CAPN13: variants seen among roughly 807,000 people sequenced by gnomAD.
CAPN13 encodes calpain 13.
A neutral mutation model predicts 98.4 loss-of-function variants in CAPN13; 90 were observed. The observed-to-expected ratio is 0.92, with a 90% CI of 0.77 to 1.09. CAPN13 has a LOEUF of 1.09. Ranked by LOEUF, CAPN13 falls within the 50% of genes least tolerant of loss-of-function variation. CAPN13 has a pLI of 0.00. For synonymous variants in CAPN13, 330 were observed against 305.5 expected (o/e 1.08, Z -0.84); for missense variants, 887 against 841.3 (o/e 1.05, Z -0.67).
intron 22 of CAPN13, among the ~76,000 whole-genome samples, chr2:30,725,463 T>C (rs1035584210): frequency 3.3e-5 from 5 of 152,132 alleles, no homozygotes; most frequent in East Asian, 1.9e-4. Flanking sequence ...AACAAAAGTA[T>C]ACCTCAACTT....
chr2:30,757,448 G>C (rs993908924), intron 8 of CAPN13, among the ~76,000 whole-genome samples: 1 of 152,328 alleles, frequency 6.6e-6, no homozygotes, highest in South Asian at 2.1e-4. Context: ...GGCAGGCACA[G>C]CTTTTCATTT....
At chr2:30,780,727 A>G (rs1176479073) in intron 2 of CAPN13, among the ~76,000 whole-genome samples, 3 of 152,198 alleles carry the variant, frequency 2.0e-5, no homozygotes, top group Non-Finnish European at 4.4e-5. Flanking sequence ...CTGTCCTCTA[A>G]GCTGCTTGTT....
rs781382708 is a variant in CAPN13 at position 30,736,485 on chromosome 2, C to T, written c.1722+18G>A. 3 of 1,613,348 alleles carry T rather than the reference C, an allele frequency of 1.9e-6. No homozygotes were observed. Among genetic ancestry groups the T allele is most frequent in the East Asian group, 2.2e-5 (1 of 44,876 alleles). On this transcript the variant is annotated intron_variant, in intron 18 of 22. Transcript: ENST00000295055. ...CTGGACAGAATGAGAGTGCTAGTCACAGAGAATGTGCCCGTACCTGGTAGT... is the reference window on the plus strand; with the variant it reads ...CTGGACAGAATGAGAGTGCTAGTCATAGAGAATGTGCCCGTACCTGGTAGT...
At chr2:30,736,831 G>C (rs887496703) in intron 17 of CAPN13, among the ~76,000 whole-genome samples, 2 of 152,360 alleles carry the variant, frequency 1.3e-5, no homozygotes, top group African/African-American at 2.4e-5. Context: ...TGAGGGAAGA[G>C]AGGGGTCTAG....
At position 30,722,776 on chromosome 2, in the gene CAPN13, G is replaced by C. The variant is rs1670737806; in HGVS notation, c.*491C>G. The C allele has an allele frequency of 6.6e-6, 1 of 152,156 alleles. No homozygotes were observed. Among genetic ancestry groups the C allele is most frequent in the African/African-American group, 2.4e-5 (1 of 41,422 alleles). The allele number at this position is 152,156 out of a possible 1,614,324, so 9.4% of individuals were successfully genotyped here. ...CAGAATATGAATGAGAGACCTTTAT[G>C]GGAAACATGTTTTATTTTTGCCATT... On this transcript the variant is annotated 3_prime_UTR_variant, in exon 23 of 23. Coordinates refer to ENST00000295055, the MANE Select transcript of CAPN13 (RefSeq NM_144575.3).
intron 1 of CAPN13, 87 bp from the exon 2 acceptor site, chr2:30,787,444 A>G (rs752159177): frequency 1.6e-4 from 155 of 964,730 alleles, no homozygotes; most frequent in Non-Finnish European, 2.2e-4. Context: ...GCACTCTGAT[A>G]TACCACCCTT....
intron 7 of CAPN13, among the ~76,000 whole-genome samples, chr2:30,761,362 T>C (rs370214395): frequency 6.6e-6 from 1 of 152,188 alleles, no homozygotes; most frequent in Non-Finnish European, 1.5e-5. Context: ...ATGTTCGAGC[T>C]GTGGGTGTCA....
intron 7 of CAPN13, among the ~76,000 whole-genome samples, chr2:30,759,024 TTCCTTCCC>T (rs1457294361): frequency 6.6e-4 from 41 of 61,822 alleles, no homozygotes; most frequent in African/African-American, 2.5e-3. Flanking sequence ...GCTCCTATTC[TTCCTTCCC>T]TCCCTCCCTC....
At chr2:30,736,614 C>A (rs922995002) in intron 17 of CAPN13, 43 bp from the exon 18 acceptor site, 2 of 1,584,906 alleles carry the variant, frequency 1.3e-6, no homozygotes, top group Admixed American at 1.7e-5. Context: ...GTGCAAGGTG[C>A]AGAGGGGCTG....
chr2:30,747,647 A>G (rs558243965), intron 11 of CAPN13, among the ~76,000 whole-genome samples: 1 of 152,216 alleles, frequency 6.6e-6, no homozygotes, highest in Non-Finnish European at 1.5e-5. Flanking sequence ...TCACAGACCC[A>G]TGCCAGGGCT....
chr2:30,732,258 G>C (rs968547363), intron 20 of CAPN13, among the ~76,000 whole-genome samples, 180 bp downstream of exon 20: 12 of 152,282 alleles, frequency 7.9e-5, no homozygotes, highest in Non-Finnish European at 1.2e-4. Flanking sequence ...AGGGGAGAGG[G>C]GGGTGCGGAG....
At position 30,779,587 on chromosome 2, in the gene CAPN13, C is replaced by T. The variant is rs184580923; in HGVS notation, c.199-1948G>A. ...TACATGTTCAACAAATATTGATCCC[C>T]CTCTTTTGAAATATTTGCAAAATTA... is the stretch of plus-strand genomic sequence containing the variant. On this transcript the variant is annotated intron_variant, in intron 2 of 22. Coordinates refer to ENST00000295055, the MANE Select transcript of CAPN13 (RefSeq NM_144575.3). Among the ~76,000 whole-genome samples the T allele has an allele frequency of 5.5e-4, 84 of 152,244 alleles. No homozygotes were observed. The East Asian group carries it at 0.015, about 27-fold the overall frequency.
chr2:30,781,476 T>C (rs1351010884), intron 2 of CAPN13, among the ~76,000 whole-genome samples: 2 of 152,166 alleles, frequency 1.3e-5, no homozygotes, highest in African/African-American at 4.8e-5. Context: ...GACTTTAACA[T>C]TTGAGTTGGG....
chr2:30,725,278 G>GTAT (rs1436830911), intron 22 of CAPN13, among the ~76,000 whole-genome samples: 1 of 152,054 alleles, frequency 6.6e-6, no homozygotes, highest in Non-Finnish European at 1.5e-5. Flanking sequence ...TTTAACATAG[G>GTAT]TATTGCCTGC....
chr2:30,742,015 C>T (rs1307517534), intron 14 of CAPN13, 51 bp from the exon 15 acceptor site: 62 of 1,539,676 alleles, frequency 4.0e-5, no homozygotes, highest in Non-Finnish European at 5.5e-5. Flanking sequence ...AAGGAGGCCA[C>T]CCATCTGGTA....
In CAPN13 at chr2:30,782,190, T is replaced by C. The variant is rs535313134; in HGVS notation, c.199-4551A>G. On this transcript the variant is annotated intron_variant, in intron 2 of 22. Transcript: ENST00000295055. ...GACGGAGAAATATGCCAAGAAATAA[T>C]GTCTTCCATGTGACAGCACTCTTCA... Among the ~76,000 whole-genome samples the C allele has an allele frequency of 1.9e-4, 29 of 152,274 alleles. 1 individual carries two copies. In the East Asian group the frequency reaches 5.2e-3, roughly 27 times the overall value.
At chr2:30,776,853 G>T (rs1279286780) in intron 3 of CAPN13, among the ~76,000 whole-genome samples, 17 of 152,204 alleles carry the variant, frequency 1.1e-4, no homozygotes, top group Admixed American at 4.6e-4. Context: ...CCTTTCTCCA[G>T]TTAGGTGAAA....
intron 19 of CAPN13, 49 bp downstream of exon 19, chr2:30,734,400 C>A (rs767186804): frequency 2.1e-6 from 3 of 1,456,194 alleles, no homozygotes; most frequent in East Asian, 2.3e-5. Context: ...GTGGGCATCA[C>A]CCCCCTCCCC....
intron 1 of CAPN13, among the ~76,000 whole-genome samples, chr2:30,791,048 C>T (rs192265026): frequency 2.2e-4 from 33 of 152,156 alleles, no homozygotes; most frequent in Middle Eastern, 3.4e-3. Context: ...GGGAGGGGGA[C>T]GGTACAATTC....
Sources: gnomAD v4.1 joint callset for allele counts (sites outside exome capture counted in the v4.1 genomes callset) on GRCh38, gnomAD v4.1.1 for gene constraint, MANE v1.5 for transcripts, NCBI Gene and HGNC (gene_info 2026-07-23, HGNC 2026-07-21) for gene names.